Variants in ENDOD1 observed in about 807,000 individuals in gnomAD.
ENDOD1 encodes the protein endonuclease domain-containing 1 protein.
Under a neutral mutation model 6.5 loss-of-function variants are expected in ENDOD1, and 9 were observed. That is an observed-to-expected ratio of 1.39 (90% CI 0.84 to 2.43). ENDOD1 has a LOEUF of 2.43. ENDOD1 is among the 30% of genes most tolerant of loss of function. ENDOD1 has a pLI of 0.00. For missense variants in ENDOD1, 648 were observed against 635.5 expected (o/e 1.02, Z -0.21); for synonymous variants, 255 against 255.2 (o/e 1.00, Z 0.01).
intron 1 of ENDOD1, among the ~76,000 whole-genome samples, chr11:95,094,681 A>G (rs1478267245): frequency 6.6e-6 from 1 of 152,258 alleles, no homozygotes; most frequent in African/African-American, 2.4e-5. Flanking sequence ...TGAAACAGAA[A>G]TACTGTTCAA....
At chr11:95,121,338 T>G (rs1366799562) in intron 1 of ENDOD1, among the ~76,000 whole-genome samples, 1 of 152,194 alleles carries the variant, frequency 6.6e-6, no homozygotes, top group Non-Finnish European at 1.5e-5. Flanking sequence ...TAATAATACA[T>G]AGTTGTTGCA....
chr11:95,116,176 T>C (rs1555112474), intron 1 of ENDOD1, among the ~76,000 whole-genome samples: 1 of 152,320 alleles, frequency 6.6e-6, no homozygotes, highest in East Asian at 1.9e-4. Context: ...TACTTGTTAT[T>C]GGTCTGTTCA....
intron 1 of ENDOD1, among the ~76,000 whole-genome samples, chr11:95,093,907 A>G (rs966521575): frequency 2.0e-5 from 3 of 152,134 alleles, no homozygotes; most frequent in Admixed American, 1.3e-4. Context: ...GATGGTTTGG[A>G]GGAGTTCTAG....
At chr11:95,125,606 A>G (rs1183464788) in intron 1 of ENDOD1, among the ~76,000 whole-genome samples, 1 of 30,394 alleles carries the variant, frequency 3.3e-5, no homozygotes, top group Non-Finnish European at 6.6e-5. Flanking sequence ...CCCCAACCCC[A>G]CAACCATCCC....
chr11:95,126,202 C>G (rs1461781948), intron 1 of ENDOD1, among the ~76,000 whole-genome samples: 1 of 152,166 alleles, frequency 6.6e-6, no homozygotes, highest in East Asian at 1.9e-4. Flanking sequence ...CCCTCAATAC[C>G]CCTATGCATA....
In ENDOD1 at chr11:95,128,597, G is replaced by A. The variant is rs1859336066; in HGVS notation, c.521G>A (p.Trp174Ter). 1 of 1,614,222 alleles carries A rather than the reference G, an allele frequency of 6.2e-7. No individual in the cohort carries two copies. Among genetic ancestry groups the A allele is most frequent in the African/African-American group, 1.3e-5 (1 of 75,042 alleles). Residue 174 changes from tryptophan (W) to a stop codon, truncating the protein, a stop_gained, in exon 2 of 2, where the codon TGG becomes TAG. Transcript: ENST00000278505. LOFTEE classifies it low-confidence loss of function (END_TRUNC). The stretch of plus-strand genomic sequence containing the variant: ...ATGACTCAGTCCTTCCAGGAACGGT[G>A]GTATGTGAATCTCCACAGCCTAATG... ...APMTQSFQER[W>*]YVNLHSLMDR...
chr11:95,108,241 C>T (rs1859111104), intron 1 of ENDOD1, among the ~76,000 whole-genome samples: 1 of 152,158 alleles, frequency 6.6e-6, no homozygotes, highest in South Asian at 2.1e-4. Flanking sequence ...TCTTCCGTTC[C>T]ACCGTCTTCT....
chr11:95,128,095 T>C (rs959541560), intron 1 of ENDOD1, among the ~76,000 whole-genome samples: 1 of 152,136 alleles, frequency 6.6e-6, no homozygotes, highest in African/African-American at 2.4e-5. Flanking sequence ...AACATCACGA[T>C]GGTGGGTGTG....
chr11:95,096,227 CTTTTTTTTTTTTT>C (rs10660230), intron 1 of ENDOD1, among the ~76,000 whole-genome samples: 1 of 49,964 alleles, frequency 2.0e-5, no homozygotes, highest in Admixed American at 3.9e-4. Context: ...GTCAAGAAAG[CTTTTTTTTTTTTT>C]TTTTTTTTTT....
rs139749811 is a variant in ENDOD1 at position 95,126,038 on chromosome 11, C to T, written c.301-2339C>T. 8.5e-5 allele frequency among the ~76,000 whole-genome samples: 13 copies of T among 152,298 alleles called. No individual in the cohort carries two copies. In the East Asian group the frequency reaches 2.5e-3, roughly 29 times the overall value. ...CTCCACACCAACTTCCTCTATCCTACAAGGGATGTGGTAGCAGGTGAAGAG... is the reference window on the plus strand; with the variant it reads ...CTCCACACCAACTTCCTCTATCCTATAAGGGATGTGGTAGCAGGTGAAGAG... On this transcript the variant is annotated intron_variant, in intron 1 of 1. Transcript: ENST00000278505.
chr11:95,102,198 A>C (rs1443905888), intron 1 of ENDOD1, among the ~76,000 whole-genome samples: 2 of 152,196 alleles, frequency 1.3e-5, no homozygotes, highest in Non-Finnish European at 2.9e-5. Flanking sequence ...ACTAAAGCCT[A>C]CTGCCATTTG....
intron 1 of ENDOD1, among the ~76,000 whole-genome samples, chr11:95,105,844 G>A (rs1555111361): frequency 6.6e-6 from 1 of 152,124 alleles, no homozygotes; most frequent in African/African-American, 2.4e-5. Context: ...CATGGATGCA[G>A]AAGGCACAAG....
At chr11:95,117,742 G>A (rs1426994281) in intron 1 of ENDOD1, among the ~76,000 whole-genome samples, 4 of 152,076 alleles carry the variant, frequency 2.6e-5, no homozygotes, top group African/African-American at 7.2e-5. Context: ...TGATTGGAGA[G>A]TTTAGTCCAT....
rs377330152 is a variant in ENDOD1, at chr11:95,124,627, A to C, written c.301-3750A>C. Among the ~76,000 whole-genome samples the C allele has an allele frequency of 4.6e-5, 7 of 152,236 alleles. 1 individual carries two copies. In the East Asian group the frequency reaches 9.6e-4, roughly 21 times the overall value. ...CAGGGCAGGGGGGTGCACAGGACCC[A>C]GTGTAGAATTGGGCCACGGCCTTCC... is the stretch of plus-strand genomic sequence containing the variant. On this transcript the variant is annotated intron_variant, in intron 1 of 1. Coordinates refer to ENST00000278505, the MANE Select transcript of ENDOD1 (RefSeq NM_015036.3).
intron 1 of ENDOD1, among the ~76,000 whole-genome samples, chr11:95,106,825 C>G (rs1332485612): frequency 6.6e-6 from 1 of 151,950 alleles, no homozygotes; most frequent in Non-Finnish European, 1.5e-5. Context: ...TAGACACCCC[C>G]CCCTTTCCCC....
In ENDOD1 at chr11:95,128,403, G is replaced by A. The variant is rs768935359; in HGVS notation, c.327G>A (p.Glu109=). 6.2e-7 allele frequency: 1 copy of A among 1,613,808 alleles called. No individual in the cohort carries two copies. Among genetic ancestry groups the A allele is most frequent in the Non-Finnish European group, 8.5e-7 (1 of 1,179,858 alleles). The change falls in exon 2 of 2, where the codon GAG becomes GAA. Residue 109 remains glutamate (E), a synonymous_variant. Transcript: ENST00000278505. ...PQIDDPNSNL[E]EAINEAEAIT... ...TCGATGACCCCAACAGCAACCTTGA[G>A]GAGGCGATTAATGAGGCAGAGGCCA...
In ENDOD1 at chr11:95,128,656, G is replaced by T; in HGVS notation, c.580G>T (p.Glu194Ter). Residue 194 changes from glutamate to a stop codon, truncating the protein, a stop_gained, in exon 2 of 2, where the codon GAA becomes TAA. Transcript: ENST00000278505. LOFTEE classifies it low-confidence loss of function (END_TRUNC). ...TTTGACCCCACAGTGTGGCAGTGGG[G>T]AAGACCTATATATCCTCACAGGCAC... is the stretch of plus-strand genomic sequence containing the variant. ...RALTPQCGSG[E>*]DLYILTGTVP... 1 of 1,614,196 alleles carries T rather than the reference G, an allele frequency of 6.2e-7. No homozygotes were observed. The highest frequency in any genetic ancestry group is 8.5e-7 in the Non-Finnish European group (1 of 1,180,032).
intron 1 of ENDOD1, among the ~76,000 whole-genome samples, chr11:95,108,258 GGA>G (rs1591014027): frequency 6.6e-6 from 1 of 152,148 alleles, no homozygotes; most frequent in Non-Finnish European, 1.5e-5. Flanking sequence ...TTCTGACTCG[GGA>G]GAGAGCTCTT....
At chr11:95,100,042 A>C (rs1474130599) in intron 1 of ENDOD1, among the ~76,000 whole-genome samples, 1 of 152,202 alleles carries the variant, frequency 6.6e-6, no homozygotes, top group African/African-American at 2.4e-5. Context: ...TTTTATTCTC[A>C]TTCTTGGATA....
Sources: allele counts gnomAD v4.1 joint callset (sites outside exome capture counted in the v4.1 genomes callset), GRCh38; gene constraint gnomAD v4.1.1; transcripts MANE v1.5; gene names NCBI Gene and HGNC (gene_info 2026-07-23, HGNC 2026-07-21).